Variants in MYO5B observed in about 807,000 individuals in gnomAD.
MYO5B encodes myosin VB.
A neutral mutation model predicts 229.3 loss-of-function variants in MYO5B; 143 were observed. That is an observed-to-expected ratio of 0.62 (90% CI 0.54 to 0.72). MYO5B has a LOEUF of 0.72. Among genes scored for constraint, MYO5B ranks in the 30% least tolerant of loss-of-function variants. The probability of loss-of-function intolerance (pLI) is 0.00; values close to 1 mark genes in which losing one functional copy is unlikely to be tolerated. For missense variants in MYO5B, 2,321 were observed against 2,331.0 expected, an observed-to-expected ratio of 1.00 and a Z score of 0.09; for synonymous variants, 918 against 885.2, an observed-to-expected ratio of 1.04 and a Z score of -0.66.
At chr18:50,133,589 C>T (rs1301243738) in intron 1 of MYO5B, among the ~76,000 whole-genome samples, 1 of 152,136 alleles carries the variant, frequency 6.6e-6, no homozygotes, top group South Asian at 2.1e-4. Context: ...TCCCTCCGTC[C>T]GTCCGTCTGT....
chr18:49,826,667 A>C, intron 39 of MYO5B, 44 bp from the exon 40 acceptor site: 1 of 1,608,774 alleles, frequency 6.2e-7, no homozygotes. Flanking sequence ...GTACCCCTAA[A>C]AATAGCCAGT....
chr18:49,877,117 G>GTC, intron 25 of MYO5B, among the ~76,000 whole-genome samples: 1 of 152,252 alleles, frequency 6.6e-6, no homozygotes, highest in Non-Finnish European at 1.5e-5. Context: ...ACAAGGTTCT[G>GTC]TGTGTACGTG....
intron 27 of MYO5B, 142 bp from the exon 28 acceptor site, chr18:49,864,522 C>T: frequency 1.7e-5 from 20 of 1,186,706 alleles, no homozygotes; most frequent in Non-Finnish European, 2.4e-5. Flanking sequence ...TTCTGACTGC[C>T]ATCAGCAAGC....
At chr18:49,867,487 GCTGAGGCTGGGCCCTGCA>G (rs1272581587) in intron 27 of MYO5B, among the ~76,000 whole-genome samples, 1 of 152,126 alleles carries the variant, frequency 6.6e-6, no homozygotes, top group African/African-American at 2.4e-5. Flanking sequence ...GGGAGAGTGT[GCTGAGGCTGGGCCCTGCA>G]CACCGCATGC....
At chr18:49,992,486 C>T (rs1274633411) in intron 5 of MYO5B, 55 bp from the exon 6 acceptor site, 1 of 1,612,870 alleles carries the variant, frequency 6.2e-7, no homozygotes, top group Non-Finnish European at 8.5e-7. Flanking sequence ...TTCTTGATTT[C>T]AGGATTGTAT....
chr18:49,877,223 C>G (rs969936913), intron 25 of MYO5B, among the ~76,000 whole-genome samples: 1 of 152,186 alleles, frequency 6.6e-6, no homozygotes, highest in African/African-American at 2.4e-5. Context: ...TATACAAAGA[C>G]CACACAGTCC....
chr18:49,937,713 C>G (rs2144213864), intron 14 of MYO5B, among the ~76,000 whole-genome samples: 1 of 151,890 alleles, frequency 6.6e-6, no homozygotes, highest in Non-Finnish European at 1.5e-5. Flanking sequence ...AAAATTATAC[C>G]AAGTGAAAGC....
chr18:49,832,790 G>A (rs537111832), intron 39 of MYO5B, among the ~76,000 whole-genome samples: 1 of 152,306 alleles, frequency 6.6e-6, no homozygotes, highest in African/African-American at 2.4e-5. Flanking sequence ...TAATGGGAGA[G>A]AAGTTTAAAG....
intron 5 of MYO5B, among the ~76,000 whole-genome samples, chr18:49,999,331 A>G (rs1320416698): frequency 6.6e-6 from 1 of 152,240 alleles, no homozygotes; most frequent in Admixed American, 6.5e-5. Flanking sequence ...TAGCTGTTCA[A>G]TATAGGCATA....
At chr18:50,024,038 C>T (rs1208225431) in intron 4 of MYO5B, among the ~76,000 whole-genome samples, 1 of 152,132 alleles carries the variant, frequency 6.6e-6, no homozygotes, top group Non-Finnish European at 1.5e-5. Flanking sequence ...GAAGTGACAA[C>T]CCCATACAGG....
intron 2 of MYO5B, among the ~76,000 whole-genome samples, chr18:50,041,154 C>T (rs992007094): frequency 6.6e-6 from 1 of 152,134 alleles, no homozygotes; most frequent in African/African-American, 2.4e-5. Context: ...TTCTGAGACG[C>T]TTATAAAGTT....
chr18:50,097,222 G>A lies in MYO5B; in HGVS notation c.28-41844C>T, dbSNP rs79642388. 2,455 of 456,322 alleles carry A rather than the reference G, an allele frequency of 5.4e-3. 73 individuals are homozygous for A. The highest frequency in any genetic ancestry group is 0.047 in the Admixed American group (1,990 of 42,536). The allele number at this position is 456,322 out of a possible 1,614,324, so 28.3% of individuals were successfully genotyped here. On this transcript the variant is annotated intron_variant, in intron 1 of 39. Coordinates refer to ENST00000285039, the MANE Select transcript of MYO5B (RefSeq NM_001080467.3). ...CACAGATGTCATCACTCCCACCTCC[G>A]CATCCCTAGAATTGATCTCACCTCT...
At chr18:50,101,597 T>C (rs1180223194) in intron 1 of MYO5B, among the ~76,000 whole-genome samples, 1 of 152,080 alleles carries the variant, frequency 6.6e-6, no homozygotes, top group Non-Finnish European at 1.5e-5. Flanking sequence ...GATATGGTAC[T>C]TCTCAAAAGA....
At chr18:50,012,914 T>C (rs1045517251) in intron 4 of MYO5B, among the ~76,000 whole-genome samples, 3 of 152,238 alleles carry the variant, frequency 2.0e-5, no homozygotes, top group Admixed American at 6.5e-5. Context: ...ACAATCTGCT[T>C]CAGACTGAAG....
At chr18:50,192,013 A>C (rs1184608027) in intron 1 of MYO5B, among the ~76,000 whole-genome samples, 1 of 152,276 alleles carries the variant, frequency 6.6e-6, no homozygotes, top group Non-Finnish European at 1.5e-5. Flanking sequence ...TCATTTGAAG[A>C]AGGGACGAAG....
intron 1 of MYO5B, among the ~76,000 whole-genome samples, chr18:50,193,036 G>A (rs968156916): frequency 3.9e-5 from 6 of 152,220 alleles, no homozygotes; most frequent in South Asian, 2.1e-4. Context: ...AGCACAAGTT[G>A]TATCTCCATG....
chr18:50,193,003 T>A (rs1272018418), intron 1 of MYO5B, among the ~76,000 whole-genome samples: 1 of 152,248 alleles, frequency 6.6e-6, no homozygotes, highest in Non-Finnish European at 1.5e-5. Context: ...GTATATTCAG[T>A]TGAGTCACTC....
At chr18:49,882,653 C>T (rs2024601653) in intron 22 of MYO5B, among the ~76,000 whole-genome samples, 1 of 119,472 alleles carries the variant, frequency 8.4e-6, no homozygotes. Flanking sequence ...AAAGAGGAAA[C>T]CCACTTCACA....
chr18:49,880,099 C>G (rs1337936904), intron 23 of MYO5B, among the ~76,000 whole-genome samples: 1 of 152,172 alleles, frequency 6.6e-6, no homozygotes, highest in East Asian at 1.9e-4. Flanking sequence ...CATACAGAAG[C>G]ACACGGCAGA....
Sources: allele counts gnomAD v4.1 joint callset (sites outside exome capture counted in the v4.1 genomes callset), GRCh38; gene constraint gnomAD v4.1.1; transcripts MANE v1.5; gene names NCBI Gene and HGNC (gene_info 2026-07-23, HGNC 2026-07-21).